COL25A1: variants seen among roughly 807,000 people sequenced by gnomAD.
COL25A1 encodes collagen alpha-1(XXV) chain.
COL25A1 carries 103 observed loss-of-function variants against 128.4 expected under a neutral mutation model. The observed-to-expected ratio is 0.80, with a 90% CI of 0.68 to 0.94. The LOEUF is 0.94. COL25A1 is among the 40% of genes least tolerant of loss of function. The pLI is 0.00. For synonymous variants in COL25A1, 279 were observed against 277.2 expected (o/e 1.01, Z -0.06); for missense variants, 745 against 840.0 (o/e 0.89, Z 1.40).
chr4:109,093,530 G>T (rs991533823), intron 3 of COL25A1, among the ~76,000 whole-genome samples: 11 of 151,478 alleles, frequency 7.3e-5, no homozygotes, highest in Non-Finnish European at 1.5e-4. Context: ...CCAGCTACCT[G>T]GGAGGCTGAG....
At chr4:109,120,195 A>C (rs1315256122) in intron 3 of COL25A1, among the ~76,000 whole-genome samples, 2 of 152,166 alleles carry the variant, frequency 1.3e-5, no homozygotes, top group South Asian at 2.1e-4. Context: ...AGAAACTCAA[A>C]GCTTTCCAGT....
At chr4:109,177,884 C>G (rs1021389203) in intron 3 of COL25A1, among the ~76,000 whole-genome samples, 1 of 152,128 alleles carries the variant, frequency 6.6e-6, no homozygotes, top group Non-Finnish European at 1.5e-5. Flanking sequence ...GCAAAATTAA[C>G]CATATAAATA....
chr4:109,110,733 C>T (rs1246307899), intron 3 of COL25A1, among the ~76,000 whole-genome samples: 2 of 152,160 alleles, frequency 1.3e-5, no homozygotes, highest in African/African-American at 2.4e-5. Flanking sequence ...GTGCAATTGT[C>T]TACCCAGAAA....
At chr4:108,864,829 CA>C (rs1384866122) in intron 20 of COL25A1, among the ~76,000 whole-genome samples, 7 of 152,098 alleles carry the variant, frequency 4.6e-5, no homozygotes, top group Admixed American at 2.6e-4. Context: ...ATCCTCAGGA[CA>C]AATGAGAAAA....
At chr4:108,944,375 C>T (rs1036032812) in intron 8 of COL25A1, among the ~76,000 whole-genome samples, 2 of 152,118 alleles carry the variant, frequency 1.3e-5, no homozygotes, top group Non-Finnish European at 2.9e-5. Flanking sequence ...AATGTGCCAG[C>T]ATCTTTCCAT....
intron 16 of COL25A1, among the ~76,000 whole-genome samples, chr4:108,894,278 A>C (rs897283765): frequency 6.6e-6 from 1 of 152,208 alleles, no homozygotes; most frequent in African/African-American, 2.4e-5. Flanking sequence ...ACATTCCAAA[A>C]ATGAAACTTT....
intron 13 of COL25A1, among the ~76,000 whole-genome samples, chr4:108,911,301 T>C (rs1744184932): frequency 6.6e-6 from 1 of 152,182 alleles, no homozygotes; most frequent in Non-Finnish European, 1.5e-5. Flanking sequence ...GCTTCTCTTC[T>C]TTTGCCAACT....
At chr4:108,954,236 T>G (rs1034153666) in intron 8 of COL25A1, among the ~76,000 whole-genome samples, 1 of 152,126 alleles carries the variant, frequency 6.6e-6, no homozygotes, top group Non-Finnish European at 1.5e-5. Context: ...TGAAATTAAA[T>G]CTAAACTTTA....
intron 3 of COL25A1, among the ~76,000 whole-genome samples, chr4:109,149,620 C>T (rs973677404): frequency 2.0e-5 from 3 of 152,108 alleles, no homozygotes; most frequent in South Asian, 2.1e-4. Context: ...GACATGTAAA[C>T]GAGTCTACAA....
chr4:109,204,419 G>A (rs530550394), intron 3 of COL25A1, among the ~76,000 whole-genome samples: 1 of 152,034 alleles, frequency 6.6e-6, no homozygotes, highest in African/African-American at 2.4e-5. Flanking sequence ...TTCCGCCCAT[G>A]TCTTAGGAAT....
intron 19 of COL25A1, among the ~76,000 whole-genome samples, chr4:108,876,605 T>C (rs1739488072): frequency 6.6e-6 from 1 of 152,186 alleles, no homozygotes; most frequent in Non-Finnish European, 1.5e-5. Context: ...TATAACATTA[T>C]TTATCAGAAC....
intron 24 of COL25A1, among the ~76,000 whole-genome samples, chr4:108,857,285 A>G (rs1736639131): frequency 6.6e-6 from 1 of 152,286 alleles, no homozygotes; most frequent in South Asian, 2.1e-4. Flanking sequence ...TAGGCACACC[A>G]AAACTTTGTG....
chr4:109,141,366 T>C (rs1347304631), intron 3 of COL25A1, among the ~76,000 whole-genome samples: 1 of 152,222 alleles, frequency 6.6e-6, no homozygotes, highest in Non-Finnish European at 1.5e-5. Context: ...CACATCGATG[T>C]TCATCAGGGA....
intron 3 of COL25A1, among the ~76,000 whole-genome samples, chr4:109,280,834 A>G (rs1035781701): frequency 6.6e-6 from 1 of 152,020 alleles, no homozygotes; most frequent in African/African-American, 2.4e-5. Flanking sequence ...TTTAGTAAAG[A>G]TGTAGTTTCA....
chr4:109,221,291 T>G (rs1337382481), intron 3 of COL25A1, among the ~76,000 whole-genome samples: 5 of 152,166 alleles, frequency 3.3e-5, no homozygotes, highest in Non-Finnish European at 7.4e-5. Flanking sequence ...TTTTGAAATT[T>G]TTCAAATTTG....
intron 30 of COL25A1, among the ~76,000 whole-genome samples, chr4:108,841,927 T>C (rs545128469): frequency 1.3e-5 from 2 of 152,312 alleles, no homozygotes; most frequent in African/African-American, 2.4e-5. Context: ...AATTCATTAA[T>C]AGCAATTCTG....
intron 26 of COL25A1, among the ~76,000 whole-genome samples, chr4:108,850,777 T>A (rs1314023052): frequency 6.6e-6 from 1 of 152,140 alleles, no homozygotes; most frequent in African/African-American, 2.4e-5. Flanking sequence ...GCTCAAAAAT[T>A]ACTTACTGAA....
chr4:109,086,519 T>A (rs1764392290), intron 3 of COL25A1, among the ~76,000 whole-genome samples: 1 of 152,194 alleles, frequency 6.6e-6, no homozygotes, highest in Non-Finnish European at 1.5e-5. Context: ...ATCTTTATAG[T>A]CGGATTTGAA....
chr4:108,952,613 C>A (rs1015940598), intron 8 of COL25A1, among the ~76,000 whole-genome samples: 1 of 152,102 alleles, frequency 6.6e-6, no homozygotes, highest in Non-Finnish European at 1.5e-5. Context: ...TATTTTGGAA[C>A]TACATTTCTA....
Sources: gnomAD v4.1 joint callset for allele counts (sites outside exome capture counted in the v4.1 genomes callset) on GRCh38, gnomAD v4.1.1 for gene constraint, MANE v1.5 for transcripts, NCBI Gene and HGNC (gene_info 2026-07-23, HGNC 2026-07-21) for gene names.